Variants in BIN3 observed in about 807,000 individuals in gnomAD.
BIN3 encodes the protein bridging integrator 3.
Under a neutral mutation model 38.2 loss-of-function variants are expected in BIN3, and 41 were observed. The ratio of observed to expected loss-of-function variants is 1.07; its 90% CI spans 0.84 to 1.39. The LOEUF is 1.39. Among genes scored for constraint, BIN3 ranks in the 40% most tolerant of loss-of-function variants. BIN3 has a pLI of 0.00. For missense variants in BIN3, 361 were observed against 324.3 expected, an observed-to-expected ratio of 1.11 and a Z score of -0.87; for synonymous variants, 145 against 122.6, an observed-to-expected ratio of 1.18 and a Z score of -1.21.
intron 3 of BIN3, 45 bp downstream of exon 3, chr8:22,636,877 G>C (rs2117536299): frequency 6.3e-7 from 1 of 1,590,418 alleles, no homozygotes; most frequent in Non-Finnish European, 8.6e-7. Context: ...GGGGGCCCTT[G>C]TCCCTCCCTG....
At chr8:22,661,730 A>C (rs1003823193) in intron 1 of BIN3, among the ~76,000 whole-genome samples, 2 of 152,164 alleles carry the variant, frequency 1.3e-5, no homozygotes, top group African/African-American at 4.8e-5. Flanking sequence ...ATTCAGCATT[A>C]CATTCTTGAG....
chr8:22,625,934 G>A (rs1344788254), intron 6 of BIN3: 1 of 147,854 alleles, frequency 6.8e-6, no homozygotes, highest in African/African-American at 2.5e-5. Context: ...TGAGGTAAGA[G>A]TAATGAACAG....
Position 22,621,365 on chromosome 8 carries a change from G to T in BIN3, c.*57C>A. 1 of 1,567,060 alleles carries T rather than the reference G, an allele frequency of 6.4e-7. No homozygotes were observed. Among genetic ancestry groups the T allele is most frequent in the South Asian group, 1.2e-5 (1 of 85,286 alleles). On this transcript the variant is annotated 3_prime_UTR_variant, in exon 9 of 9. Transcript: ENST00000276416. ...TGAGAGGAGCAGCTAGCCCTGAGAA[G>T]GGCAAGGATGAATGAGGCTGACCAC...
chr8:22,630,397 C>A lies in BIN3; in HGVS notation c.297+45G>T, dbSNP rs771177103. The A allele has an allele frequency of 6.2e-6, 10 of 1,607,410 alleles. No individual in the cohort carries two copies. The East Asian group carries it at 1.6e-4, about 25-fold the overall frequency. On this transcript the variant is annotated intron_variant, in intron 5 of 8. Coordinates refer to ENST00000276416, the MANE Select transcript of BIN3 (RefSeq NM_018688.6). ...GCACAGTCCACCCAGAGGCCCAGACCGGGCAGAAGTCATGCTTGCCCACCC... is the reference window on the plus strand; with the variant it reads ...GCACAGTCCACCCAGAGGCCCAGACAGGGCAGAAGTCATGCTTGCCCACCC...
In BIN3 at chr8:22,620,575, T is replaced by C. The variant is rs1801749470; in HGVS notation, c.*847A>G. 1 of 152,182 alleles carries C rather than the reference T, an allele frequency of 6.6e-6. No individual in the cohort carries two copies. The allele number at this position is 152,182 out of a possible 1,614,324, so 9.4% of individuals were successfully genotyped here. A position where few individuals can be genotyped will look rare whatever the true frequency, so the allele number is the denominator to read the frequency against. ...CCACGGTGCAGTTCGCTCCAGAAGG[T>C]GGGCCAGGGCCGGGGAGGTGCGCAC... On this transcript the variant is annotated 3_prime_UTR_variant, in exon 9 of 9. Transcript: ENST00000276416.
In BIN3 at chr8:22,634,228, AAAC is replaced by A. The variant is rs551613242; in HGVS notation, c.160+2294_160+2296del. On this transcript the variant is annotated intron_variant, in intron 4 of 8. Coordinates refer to ENST00000276416, the MANE Select transcript of BIN3 (RefSeq NM_018688.6). ...CTCAGACCTGAAATAACTACAAAAC[AAAC>A]AACTGCAGACAAACTCCCAAATCCA... Among the ~76,000 whole-genome samples the A allele has an allele frequency of 2.2e-3, 338 of 152,376 alleles. 1 individual carries two copies. Among genetic ancestry groups the A allele is most frequent in the African/African-American group, 7.7e-3 (322 of 41,582 alleles).
intron 1 of BIN3, among the ~76,000 whole-genome samples, chr8:22,658,838 CGGTGGT>C (rs199910643): frequency 0.041 from 6,310 of 152,224 alleles, 160 homozygotes; most frequent in Middle Eastern, 0.068. Flanking sequence ...AAAGAGTAGG[CGGTGGT>C]GGTTGATAGT....
chr8:22,667,141 C>G (rs557125162), intron 1 of BIN3, among the ~76,000 whole-genome samples: 5 of 152,266 alleles, frequency 3.3e-5, no homozygotes, highest in African/African-American at 1.2e-4. Context: ...AGGGACAAAG[C>G]CACCCTTCTG....
intron 3 of BIN3, 107 bp from the exon 4 acceptor site, chr8:22,636,693 T>C: frequency 7.9e-7 from 1 of 1,260,758 alleles, no homozygotes; most frequent in Non-Finnish European, 1.1e-6. Flanking sequence ...AGGGATCTTC[T>C]CCACGGGGAC....
chr8:22,659,030 G>GGCC (rs1186866706), intron 1 of BIN3, among the ~76,000 whole-genome samples: 1 of 152,234 alleles, frequency 6.6e-6, no homozygotes, highest in Non-Finnish European at 1.5e-5. Flanking sequence ...GGCCCCACAA[G>GGCC]GCCACCACCA....
At chr8:22,662,863 G>A (rs891133853) in intron 1 of BIN3, among the ~76,000 whole-genome samples, 6 of 152,278 alleles carry the variant, frequency 3.9e-5, no homozygotes, top group Admixed American at 1.3e-4. Context: ...AAGGCTGGCC[G>A]CGGTGGCTCA....
chr8:22,667,250 C>T (rs569001612), intron 1 of BIN3, among the ~76,000 whole-genome samples: 4 of 152,268 alleles, frequency 2.6e-5, no homozygotes, highest in African/African-American at 4.8e-5. Flanking sequence ...AGTTGTCAAT[C>T]TCAATTCTCT....
At chr8:22,632,836 G>A (rs939273630) in intron 4 of BIN3, among the ~76,000 whole-genome samples, 7 of 151,518 alleles carry the variant, frequency 4.6e-5, no homozygotes, top group South Asian at 2.1e-4. Context: ...AGCCTCTCAA[G>A]TAGCTGGGAT....
intron 7 of BIN3, 53 bp from the exon 8 acceptor site, chr8:22,624,102 C>G: frequency 2.0e-6 from 1 of 504,030 alleles, no homozygotes; most frequent in Non-Finnish European, 4.1e-6. Context: ...GTGCCGGATA[C>G]GGGATGGGTG....
intron 1 of BIN3, among the ~76,000 whole-genome samples, chr8:22,667,036 G>A (rs959139338): frequency 2.6e-5 from 4 of 152,158 alleles, no homozygotes; most frequent in African/African-American, 7.2e-5. Flanking sequence ...CCCAGGCGCC[G>A]GTGCTGTTCC....
Position 22,624,491 on chromosome 8 carries a change from C to T in BIN3, c.339-128G>A. ...TCTTGGAGGGGCGTCCTGGCCAGCACTCACTTGTCCAAAAATGTGCCCTGA... is the reference window on the plus strand; with the variant it reads ...TCTTGGAGGGGCGTCCTGGCCAGCATTCACTTGTCCAAAAATGTGCCCTGA... On this transcript the variant is annotated intron_variant, in intron 6 of 8. Transcript: ENST00000276416. 3 of 1,278,032 alleles carry T rather than the reference C, an allele frequency of 2.3e-6. No homozygotes were observed. In the South Asian group the frequency reaches 4.4e-5, roughly 19 times the overall value. 79.2% of individuals were successfully genotyped at this position (1,278,032 alleles called of 1,614,324 possible). A position where few individuals can be genotyped will look rare whatever the true frequency, so the allele number is the denominator to read the frequency against.
chr8:22,622,599 TCAA>T (rs2117491812), intron 8 of BIN3: 1 of 152,470 alleles, frequency 6.6e-6, no homozygotes, highest in African/African-American at 2.4e-5. Flanking sequence ...CAAGAGGCAG[TCAA>T]CAGCCCCCAG....
intron 1 of BIN3, among the ~76,000 whole-genome samples, chr8:22,655,558 C>G (rs1803029584): frequency 6.6e-6 from 1 of 152,272 alleles, no homozygotes; most frequent in Middle Eastern, 3.4e-3. Context: ...ACTGTTCTGG[C>G]ATCTTTGTTA....
At chr8:22,664,770 C>T (rs1351472665) in intron 1 of BIN3, among the ~76,000 whole-genome samples, 1 of 152,230 alleles carries the variant, frequency 6.6e-6, no homozygotes, top group African/African-American at 2.4e-5. Context: ...GACTGCACTG[C>T]TTGCGCAGAC....
Sources: gnomAD v4.1 joint callset for allele counts (sites outside exome capture counted in the v4.1 genomes callset) on GRCh38, gnomAD v4.1.1 for gene constraint, MANE v1.5 for transcripts, NCBI Gene and HGNC (gene_info 2026-07-23, HGNC 2026-07-21) for gene names.